The following HHLA2 variants were observed in gnomAD, a reference collection of about 807,000 sequenced individuals.
HHLA2 encodes HERV-H LTR-associating protein 2.
HHLA2 carries 48 observed loss-of-function variants against 45.9 expected under a neutral mutation model. The ratio of observed to expected loss-of-function variants is 1.05; its 90% CI spans 0.83 to 1.33. HHLA2 has a LOEUF of 1.33. Ranked by LOEUF, HHLA2 falls within the 40% of genes most tolerant of loss-of-function variation. The pLI is 0.00. For missense variants in HHLA2, 462 were observed against 494.3 expected (o/e 0.93, Z 0.62); for synonymous variants, 161 against 173.9 (o/e 0.93, Z 0.59).
rs147037412 is a variant in HHLA2 at position 108,357,824 on chromosome 3, C to A, written c.686-20C>A. On this transcript the variant is annotated intron_variant, in intron 6 of 10. Coordinates refer to ENST00000619531, the Ensembl canonical transcript of HHLA2. ...AAATGTTTATCTTCATTGATGTTTT[C>A]TTTTCTATTGTGTTGTTAGATGGCC... 55 of 1,559,832 alleles carry A rather than the reference C, an allele frequency of 3.5e-5. No homozygotes were observed. In the East Asian group the frequency reaches 1.2e-3, roughly 35 times the overall value.
intron 1 of HHLA2, among the ~76,000 whole-genome samples, chr3:108,307,082 CTGACCTCAGG>C (rs546084520): frequency 7.0e-4 from 106 of 152,232 alleles, no homozygotes; most frequent in African/African-American, 2.5e-3. Flanking sequence ...TCTTGAACTC[CTGACCTCAGG>C]TGACCTCAGG....
Position 108,339,030 on chromosome 3 carries a change from G to A in HHLA2, c.-27+10683G>A, listed in dbSNP as rs139761619. Among the ~76,000 whole-genome samples the A allele has an allele frequency of 8.1e-3, 1,231 of 152,262 alleles. 14 individuals carry two copies. The highest frequency in any genetic ancestry group is 0.028 in the African/African-American group (1,156 of 41,546). On this transcript the variant is annotated intron_variant, in intron 3 of 10. Transcript: ENST00000619531. ...TTGGGACACTTTTGAAAGTAAAAGA[G>A]GCTACTGTTAATAATTAATGGAATG...
At chr3:108,377,226 A>T (rs1217433863) in intron 10 of HHLA2, 32 bp from the exon 10 acceptor site, 1 of 1,408,678 alleles carries the variant, frequency 7.1e-7, no homozygotes, top group Non-Finnish European at 1.0e-6. Context: ...CTTGAACAAC[A>T]GACATTTAGA....
chr3:108,336,736 G>C (rs1340234561), intron 3 of HHLA2, among the ~76,000 whole-genome samples: 1 of 151,824 alleles, frequency 6.6e-6, no homozygotes. Context: ...AAAGATGATT[G>C]CCCTTCTATG....
intron 3 of HHLA2, among the ~76,000 whole-genome samples, chr3:108,333,372 T>C (rs2081418850): frequency 6.6e-6 from 1 of 152,188 alleles, no homozygotes; most frequent in South Asian, 2.1e-4. Flanking sequence ...AAGAAGTGAA[T>C]GCCAATGGCT....
At chr3:108,303,696 C>G (rs1431488205) in intron 1 of HHLA2, among the ~76,000 whole-genome samples, 1 of 152,112 alleles carries the variant, frequency 6.6e-6, no homozygotes, top group Non-Finnish European at 1.5e-5. Flanking sequence ...CATGCCATTC[C>G]TGTACCCCAC....
intron 3 of HHLA2, among the ~76,000 whole-genome samples, chr3:108,347,299 T>A (rs1045401599): frequency 6.6e-6 from 1 of 152,212 alleles, no homozygotes; most frequent in African/African-American, 2.4e-5. Flanking sequence ...TCTTAGATGA[T>A]AAATGGGTTA....
At chr3:108,303,547 G>A (rs1456978277) in intron 1 of HHLA2, among the ~76,000 whole-genome samples, 1 of 151,914 alleles carries the variant, frequency 6.6e-6, no homozygotes, top group East Asian at 1.9e-4. Context: ...ACATATGCTG[G>A]TCATTAATTT....
rs1560220009 is a variant in HHLA2, at chr3:108,333,672, A to C, written c.-27+5325A>C. On this transcript the variant is annotated intron_variant, in intron 3 of 10. Transcript: ENST00000619531. ...GCCTCAGAGGATAGAGAGGAAAAAA[A>C]CTTTTTAAGAGGAAATTTTAGAAAT... is the stretch of plus-strand genomic sequence containing the variant. Among the ~76,000 whole-genome samples, 4 of 151,894 alleles carry C rather than the reference A, an allele frequency of 2.6e-5. No homozygotes were observed. In the South Asian group the frequency reaches 8.3e-4, roughly 32 times the overall value.
At chr3:108,312,856 G>C (rs1422408281) in intron 2 of HHLA2, among the ~76,000 whole-genome samples, 2 of 152,170 alleles carry the variant, frequency 1.3e-5, no homozygotes, top group Admixed American at 1.3e-4. Context: ...ATTTTACAGA[G>C]GGAATGGAGA....
chr3:108,332,166 T>A (rs757194609), intron 3 of HHLA2, among the ~76,000 whole-genome samples: 28 of 152,138 alleles, frequency 1.8e-4, no homozygotes, highest in Admixed American at 7.9e-4. Flanking sequence ...TTTTAATTTT[T>A]AAAAATAATT....
At chr3:108,306,538 T>C (rs1170674175) in intron 1 of HHLA2, among the ~76,000 whole-genome samples, 2 of 152,184 alleles carry the variant, frequency 1.3e-5, no homozygotes, top group Non-Finnish European at 2.9e-5. Flanking sequence ...TTTAAACTGC[T>C]ATCCAATTTC....
rs2081923733 is a variant in HHLA2, at chr3:108,357,922, A to T, written c.764A>T (p.Asp255Val). The stretch of plus-strand genomic sequence containing the variant: ...AATGATTATTTTTCACCAAACCAAG[A>T]CTTCAAAGTTACTTGGTCCAGAATG... The change falls in exon 7 of 11, where the codon GAC becomes GTC. Residue 255 changes from aspartate to valine, a missense_variant. By Grantham distance (152) the Asp-to-Val change is radical. Coordinates refer to ENST00000619531, the Ensembl canonical transcript of HHLA2. 1.7e-5 allele frequency: 28 copies of T among 1,613,828 alleles called. 1 individual carries two copies. In the East Asian group the frequency reaches 6.2e-4, roughly 36 times the overall value.
intron 2 of HHLA2, among the ~76,000 whole-genome samples, chr3:108,318,591 C>T (rs899503507): frequency 6.6e-6 from 1 of 152,164 alleles, no homozygotes; most frequent in African/African-American, 2.4e-5. Context: ...TTTCCCCCAA[C>T]ATCTTTTTCT....
chr3:108,357,547 A>G (rs151245410), intron 6 of HHLA2, among the ~76,000 whole-genome samples: 3 of 152,006 alleles, frequency 2.0e-5, no homozygotes, highest in Non-Finnish European at 4.4e-5. Flanking sequence ...ACTGGTAGCA[A>G]CATTCCTGAG....
At chr3:108,376,811 C>T in intron 10 of HHLA2, 1 of 408,146 alleles carries the variant, frequency 2.5e-6, no homozygotes, top group East Asian at 4.3e-5. Context: ...TAGAGAAGAT[C>T]TCCAATGGCA....
intron 3 of HHLA2, among the ~76,000 whole-genome samples, chr3:108,337,198 T>C (rs2081487262): frequency 6.6e-6 from 1 of 152,218 alleles, no homozygotes; most frequent in Non-Finnish European, 1.5e-5. Context: ...ATGCCTATTG[T>C]ATATACTAAT....
At chr3:108,360,037 A>T (rs149797416) in intron 7 of HHLA2, among the ~76,000 whole-genome samples, 71 of 152,240 alleles carry the variant, frequency 4.7e-4, no homozygotes, top group African/African-American at 1.6e-3. Flanking sequence ...TAGCTTCTTC[A>T]TCAGCAGACA....
chr3:108,354,600 G>T (rs2081849720), intron 5 of HHLA2, among the ~76,000 whole-genome samples: 1 of 151,808 alleles, frequency 6.6e-6, no homozygotes, highest in African/African-American at 2.4e-5. Flanking sequence ...CTTACATATA[G>T]ATATATATAC....
Sources: gnomAD v4.1 joint callset for allele counts (sites outside exome capture counted in the v4.1 genomes callset) on GRCh38, gnomAD v4.1.1 for gene constraint, MANE v1.5 for transcripts, NCBI Gene and HGNC (gene_info 2026-07-23, HGNC 2026-07-21) for gene names.